Variants in DIXDC1 observed in about 807,000 individuals in gnomAD.
DIXDC1 encodes DIX domain containing 1, also known as dixin.
DIXDC1 carries 64 observed loss-of-function variants against 103.1 expected under a neutral mutation model. The observed-to-expected ratio is 0.62, with a 90% CI of 0.51 to 0.76. DIXDC1 has a LOEUF of 0.76. Among genes scored for constraint, DIXDC1 ranks in the 30% least tolerant of loss-of-function variants. The pLI, the probability that DIXDC1 is intolerant of heterozygous loss-of-function variation, is 0.00. For missense variants in DIXDC1, 759 were observed against 834.2 expected (o/e 0.91, Z 1.11); for synonymous variants, 266 against 298.5 (o/e 0.89, Z 1.12).
intron 9 of DIXDC1, 187 bp from the exon 10 acceptor site, chr11:111,988,818 G>A: frequency 2.3e-6 from 1 of 443,770 alleles, no homozygotes; most frequent in East Asian, 3.7e-5. Flanking sequence ...GAACGGAATG[G>A]TTCTCTTCTT....
chr11:111,946,147 C>T (rs1225713920), intron 1 of DIXDC1, among the ~76,000 whole-genome samples: 2 of 145,530 alleles, frequency 1.4e-5, no homozygotes, highest in African/African-American at 5.2e-5. Flanking sequence ...CTTGCTCTTT[C>T]GCCTAGGCCG....
chr11:111,996,447 C>T (rs1555175417), intron 17 of DIXDC1: 1 of 225,278 alleles, frequency 4.4e-6, no homozygotes, highest in Non-Finnish European at 8.7e-6. Flanking sequence ...TATAAAACAA[C>T]AAAAACACAT....
chr11:111,946,209 C>T (rs1555169353), intron 1 of DIXDC1, among the ~76,000 whole-genome samples: 1 of 150,076 alleles, frequency 6.7e-6, no homozygotes, highest in East Asian at 2.0e-4. Flanking sequence ...CCTGGGTTCC[C>T]GCCATTCTCC....
At chr11:111,957,009 AAATAAT>A (rs142505123) in intron 1 of DIXDC1, among the ~76,000 whole-genome samples, 1,793 of 151,902 alleles carry the variant, frequency 0.012, 38 homozygotes, top group African/African-American at 0.041. Flanking sequence ...TCTATAAAAA[AAATAAT>A]AATAATAATT....
intron 8 of DIXDC1, among the ~76,000 whole-genome samples, chr11:111,985,894 C>T (rs1467690783): frequency 2.0e-5 from 3 of 152,192 alleles, no homozygotes; most frequent in Non-Finnish European, 2.9e-5. Context: ...TCTGCCCAAC[C>T]ACCAAAGCTA....
Position 111,973,950 on chromosome 11 carries a change from A to G in DIXDC1, c.317-73A>G, listed in dbSNP as rs1461743118. ...ATCACTAGCAATATGTAATAAATGC[A>G]GAAGTCCTCAGCTTTTGCCTCCCTC... On this transcript the variant is annotated intron_variant, in intron 3 of 19. Coordinates refer to ENST00000440460, the MANE Select transcript of DIXDC1 (RefSeq NM_001037954.4). 5 of 1,422,100 alleles carry G rather than the reference A, an allele frequency of 3.5e-6. No individual in the cohort carries two copies. In the African/African-American group the frequency reaches 5.6e-5, roughly 16 times the overall value. 88.1% of individuals were successfully genotyped at this position (1,422,100 alleles called of 1,614,324 possible). A position where few individuals can be genotyped will look rare whatever the true frequency, so the allele number is the denominator to read the frequency against.
In DIXDC1 at chr11:112,021,672, C is replaced by T. The variant is rs1861765023; in HGVS notation, c.*2636C>T. The T allele has an allele frequency of 1.3e-5, 2 of 152,182 alleles. No homozygotes were observed. The highest frequency in any genetic ancestry group is 4.1e-4 in the South Asian group (2 of 4,826). 9.4% of individuals were successfully genotyped at this position (152,182 alleles called of 1,614,324 possible). On this transcript the variant is annotated 3_prime_UTR_variant, in exon 20 of 20. Coordinates refer to ENST00000440460, the MANE Select transcript of DIXDC1 (RefSeq NM_001037954.4). ...AACGAGTTTAGTTGAATGCTCAATT[C>T]CTTACAAAATCTTCATTTAAGGCTG...
chr11:111,980,291 T>C (rs1482012833), intron 5 of DIXDC1, among the ~76,000 whole-genome samples: 1 of 152,216 alleles, frequency 6.6e-6, no homozygotes, highest in Admixed American at 6.5e-5. Context: ...CCTGTATCTG[T>C]GAGAGATCAG....
Position 111,998,512 on chromosome 11 carries a change from T to C in DIXDC1, c.1756+2366T>C, listed in dbSNP as rs987718810. Among the ~76,000 whole-genome samples, 4 of 152,228 alleles carry C rather than the reference T, an allele frequency of 2.6e-5. No individual in the cohort carries two copies. Among genetic ancestry groups the C allele is most frequent in the Admixed American group, 2.6e-4 (4 of 15,278 alleles). On this transcript the variant is annotated intron_variant, in intron 17 of 19. Coordinates refer to ENST00000440460, the MANE Select transcript of DIXDC1 (RefSeq NM_001037954.4). This position sits in a 1 kb window ranked among gnomAD's most constrained non-coding sequence, Gnocchi z 4.1. ...TTTTATGTTTTATCTCAAATCTCAG[T>C]TATTTTCTGAGCTTCAGTACTATTT... is the stretch of plus-strand genomic sequence containing the variant.
At chr11:111,982,153 T>A in intron 6 of DIXDC1, 186 bp from the exon 7 acceptor site, 1 of 540,962 alleles carries the variant, frequency 1.8e-6, no homozygotes, top group Non-Finnish European at 3.2e-6. Flanking sequence ...CAAGTGAGCC[T>A]GAGGCCTGAG....
upstream of DIXDC1, among the ~76,000 whole-genome samples, chr11:111,934,707 AG>A (rs753143397): frequency 1.1e-3 from 172 of 152,310 alleles, 1 homozygote; most frequent in Non-Finnish European, 2.0e-3. Context: ...CCACTTTGTA[AG>A]GCCAACTAAG....
intron 19 of DIXDC1, among the ~76,000 whole-genome samples, chr11:112,018,489 C>T (rs1403671327): frequency 2.0e-5 from 3 of 152,102 alleles, no homozygotes; most frequent in Non-Finnish European, 2.9e-5. Flanking sequence ...TAAACATTTC[C>T]TCAGTGAAAT....
Position 112,020,125 on chromosome 11 carries a change from G to GT in DIXDC1, c.*1090dup, listed in dbSNP as rs1861711596. ...TTGTGAATGGCAGGGATCATTCTGG[G>GT]TAAAAAAAACCTAGAATCATTTCTG... is the stretch of plus-strand genomic sequence containing the variant. On this transcript the variant is annotated 3_prime_UTR_variant, in exon 20 of 20. Transcript: ENST00000440460. 1 of 152,116 alleles carries GT rather than the reference G, an allele frequency of 6.6e-6. No homozygotes were observed. The highest frequency in any genetic ancestry group is 1.5e-5 in the Non-Finnish European group (1 of 68,000). 9.4% of individuals were successfully genotyped at this position (152,116 alleles called of 1,614,324 possible).
chr11:111,942,041 C>T (rs76914092), intron 1 of DIXDC1, among the ~76,000 whole-genome samples: 1,962 of 152,294 alleles, frequency 0.013, 42 homozygotes, highest in African/African-American at 0.045. Context: ...TCACAATGAA[C>T]TCCTCTGTGC....
In DIXDC1 at chr11:111,943,049, G is replaced by A. The variant is rs150113118; in HGVS notation, c.60+5490G>A. Among the ~76,000 whole-genome samples the A allele has an allele frequency of 3.1e-3, 474 of 152,342 alleles. 4 individuals carry two copies. Among genetic ancestry groups the A allele is most frequent in the African/African-American group, 0.01 (426 of 41,578 alleles). ...TATGCTGGACAAAGGGATGAGTCAC[G>A]TCTTGGGTGAAACAGAGTGGGATGG... On this transcript the variant is annotated intron_variant, in intron 1 of 19. Coordinates refer to ENST00000440460, the MANE Select transcript of DIXDC1 (RefSeq NM_001037954.4).
At chr11:111,997,351 G>A (rs1435303214) in intron 17 of DIXDC1, among the ~76,000 whole-genome samples, 7 of 151,634 alleles carry the variant, frequency 4.6e-5, no homozygotes, top group African/African-American at 1.2e-4. Context: ...TTTTAGCGGC[G>A]GGGGATGGAG....
At chr11:111,944,283 CTT>C (rs1263796318) in intron 1 of DIXDC1, among the ~76,000 whole-genome samples, 4 of 152,180 alleles carry the variant, frequency 2.6e-5, no homozygotes, top group African/African-American at 9.7e-5. Flanking sequence ...CTCTGCTTTT[CTT>C]GTTTGCTTTT....
chr11:111,929,844 A>G, exon 2 of DIXDC1: 1 of 1,533,224 alleles, frequency 6.5e-7, no homozygotes, highest in Non-Finnish European at 8.7e-7. Context: ...TCTTCTAGGG[A>G]CTCTTGAAGA....
Position 112,017,226 on chromosome 11 carries a change from AG to A in DIXDC1, c.1862+431del, listed in dbSNP as rs1861620119. Among the ~76,000 whole-genome samples the A allele has an allele frequency of 6.6e-6, 1 of 152,200 alleles. No homozygotes were observed. Among genetic ancestry groups the A allele is most frequent in the South Asian group, 2.1e-4 (1 of 4,830 alleles). On this transcript the variant is annotated intron_variant, in intron 18 of 19. Coordinates refer to ENST00000440460, the MANE Select transcript of DIXDC1 (RefSeq NM_001037954.4). This position sits in a 1 kb window ranked among gnomAD's most constrained non-coding sequence, Gnocchi z 4.0. The stretch of plus-strand genomic sequence containing the variant: ...TGAGAAATTATGTCAAAAACCTTCC[AG>A]AAAGTTAATGTGCTTCCTTTTAAGG...
Sources: allele counts gnomAD v4.1 joint callset (sites outside exome capture counted in the v4.1 genomes callset), GRCh38; gene constraint gnomAD v4.1.1; non-coding constraint Gnocchi (gnomAD v3.1); transcripts MANE v1.5; gene names NCBI Gene and HGNC (gene_info 2026-07-23, HGNC 2026-07-21).